AFF3: variants seen among roughly 807,000 people sequenced by gnomAD.
AFF3 encodes the protein AF4/FMR2 family member 3.
AFF3 carries 32 observed loss-of-function variants against 129.7 expected under a neutral mutation model. The observed-to-expected ratio is 0.25, with a 90% CI of 0.19 to 0.33. The LOEUF (loss-of-function observed/expected upper bound fraction) is 0.33. Ranked by LOEUF, AFF3 falls within the 10% of genes least tolerant of loss-of-function variation. The pLI, the probability that AFF3 is intolerant of heterozygous loss-of-function variation, is 1.00. For synonymous variants in AFF3, 644 were observed against 635.4 expected, an observed-to-expected ratio of 1.01 and a Z score of -0.20; for missense variants, 1,373 against 1,592.0, an observed-to-expected ratio of 0.86 and a Z score of 2.34.
chr2:100,078,403 C>T (rs1310662927), intron 4 of AFF3, among the ~76,000 whole-genome samples: 1 of 152,134 alleles, frequency 6.6e-6, no homozygotes, highest in South Asian at 2.1e-4. Flanking sequence ...GAACCAAAAT[C>T]ATAGATTTAG....
intron 7 of AFF3, among the ~76,000 whole-genome samples, chr2:99,987,898 G>A (rs1468250123): frequency 6.6e-6 from 1 of 152,168 alleles, no homozygotes; most frequent in South Asian, 2.1e-4. Flanking sequence ...TTATGAAAAA[G>A]AACTGCTCTG....
chr2:99,571,203 C>T (rs536479892), intron 18 of AFF3, among the ~76,000 whole-genome samples: 20 of 152,252 alleles, frequency 1.3e-4, no homozygotes, highest in Admixed American at 2.0e-4. Flanking sequence ...GGTGCAGCAT[C>T]GCATCCAATG....
At chr2:99,678,208 T>G (rs558820128) in intron 11 of AFF3, among the ~76,000 whole-genome samples, 4 of 152,368 alleles carry the variant, frequency 2.6e-5, no homozygotes, top group Admixed American at 2.6e-4. Context: ...TCAGTACTTT[T>G]CAGAAAAGGG....
intron 7 of AFF3, among the ~76,000 whole-genome samples, chr2:99,849,153 CAA>C (rs1558912654): frequency 6.6e-6 from 1 of 151,974 alleles, no homozygotes; most frequent in African/African-American, 2.4e-5. Context: ...AAACCATCCT[CAA>C]AGTTACAAGC....
chr2:99,674,016 C>A (rs749086633), intron 11 of AFF3, among the ~76,000 whole-genome samples: 2 of 152,170 alleles, frequency 1.3e-5, no homozygotes, highest in Non-Finnish European at 2.9e-5. Context: ...AGGAGAAAAA[C>A]CCTTCTATTT....
intron 7 of AFF3, among the ~76,000 whole-genome samples, chr2:99,962,426 G>A (rs981787879): frequency 3.9e-5 from 6 of 152,202 alleles, no homozygotes; most frequent in African/African-American, 1.2e-4. Context: ...AATACAATTA[G>A]ATGATGCCAA....
At chr2:99,863,189 G>A (rs1691129263) in intron 7 of AFF3, among the ~76,000 whole-genome samples, 1 of 152,184 alleles carries the variant, frequency 6.6e-6, no homozygotes, top group Non-Finnish European at 1.5e-5. Flanking sequence ...TTTTACAGAT[G>A]GATGTTTCTA....
At chr2:99,742,789 GT>G (rs1477918584) in intron 10 of AFF3, among the ~76,000 whole-genome samples, 30 of 152,352 alleles carry the variant, frequency 2.0e-4, no homozygotes, top group African/African-American at 7.0e-4. Context: ...TGCAGCTATT[GT>G]AAAGATTAAG....
intron 11 of AFF3, among the ~76,000 whole-genome samples, chr2:99,703,708 TG>T (rs1677094321): frequency 6.6e-6 from 1 of 152,134 alleles, no homozygotes; most frequent in South Asian, 2.1e-4. Flanking sequence ...TTTTTCTTTT[TG>T]TTTAGAGACA....
At chr2:99,583,723 G>A (rs1380855704) in intron 16 of AFF3, among the ~76,000 whole-genome samples, 2 of 148,850 alleles carry the variant, frequency 1.3e-5, no homozygotes, top group African/African-American at 2.5e-5. Flanking sequence ...ATGGAGTTTC[G>A]CTCTTGTCAC....
At chr2:100,136,255 G>A (rs1239263073) in intron 1 of AFF3, among the ~76,000 whole-genome samples, 1 of 152,186 alleles carries the variant, frequency 6.6e-6, no homozygotes, top group East Asian at 1.9e-4. Flanking sequence ...CAGATCATCT[G>A]GGAGCGAATG....
chr2:99,636,582 T>A (rs1683680323), intron 13 of AFF3, among the ~76,000 whole-genome samples: 1 of 152,056 alleles, frequency 6.6e-6, no homozygotes, highest in African/African-American at 2.4e-5. Flanking sequence ...ATAGAGGAAG[T>A]CTGTTCAGAA....
chr2:100,119,012 GCT>G (rs1291882061), intron 2 of AFF3, among the ~76,000 whole-genome samples: 4 of 152,106 alleles, frequency 2.6e-5, no homozygotes, highest in African/African-American at 9.7e-5. Flanking sequence ...TGTTGGCCAT[GCT>G]GGTCATGAAC....
chr2:99,960,042 A>G (rs1375506043), intron 7 of AFF3, among the ~76,000 whole-genome samples: 3 of 152,132 alleles, frequency 2.0e-5, no homozygotes. Flanking sequence ...TGTGTTGATC[A>G]ATAAATATTT....
intron 4 of AFF3, among the ~76,000 whole-genome samples, chr2:100,047,746 T>C (rs1249751438): frequency 6.6e-6 from 1 of 152,208 alleles, no homozygotes; most frequent in African/African-American, 2.4e-5. Context: ...GAGTAAAACA[T>C]CATGTCCTCT....
intron 8 of AFF3, among the ~76,000 whole-genome samples, chr2:99,818,566 G>A (rs1206202631): frequency 6.6e-6 from 1 of 152,130 alleles, no homozygotes; most frequent in Non-Finnish European, 1.5e-5. Context: ...TCAAGTCCAA[G>A]CAAATTTCTG....
chr2:100,064,934 A>C (rs1687597234), intron 4 of AFF3, among the ~76,000 whole-genome samples: 3 of 152,256 alleles, frequency 2.0e-5, no homozygotes, highest in Non-Finnish European at 4.4e-5. Flanking sequence ...CAAGGGAAGG[A>C]AAATCCCTTT....
intron 11 of AFF3, among the ~76,000 whole-genome samples, chr2:99,700,912 G>A (rs756036696): frequency 4.6e-5 from 7 of 152,182 alleles, no homozygotes; most frequent in Non-Finnish European, 8.8e-5. Flanking sequence ...TGACCTCCTC[G>A]GAGTGAGCGT....
chr2:99,564,568 C>T (rs1344731242), intron 20 of AFF3, among the ~76,000 whole-genome samples: 1 of 152,152 alleles, frequency 6.6e-6, no homozygotes, highest in Non-Finnish European at 1.5e-5. Flanking sequence ...TCTCTGATGT[C>T]GGCATGACAG....
Sources: gnomAD v4.1 joint callset for allele counts (sites outside exome capture counted in the v4.1 genomes callset) on GRCh38, gnomAD v4.1.1 for gene constraint, MANE v1.5 for transcripts, NCBI Gene and HGNC (gene_info 2026-07-23, HGNC 2026-07-21) for gene names.